RORA: variants seen among roughly 807,000 people sequenced by gnomAD.
RORA encodes the protein nuclear receptor ROR-alpha.
Under a neutral mutation model 69.5 loss-of-function variants are expected in RORA, and 7 were observed. The ratio of observed to expected loss-of-function variants is 0.10; its 90% CI spans 0.06 to 0.19. The LOEUF is 0.19. Ranked by LOEUF, RORA falls within the 10% of genes least tolerant of loss-of-function variation. The pLI, the probability that RORA is intolerant of heterozygous loss-of-function variation, is 1.00. For synonymous variants in RORA, 261 were observed against 240.8 expected (o/e 1.08, Z -0.78); for missense variants, 457 against 663.0 (o/e 0.69, Z 3.41).
chr15:60,613,601 C>T lies in RORA; in HGVS notation c.196+65056G>A, dbSNP rs340018. Among the ~76,000 whole-genome samples, 357 of 151,958 alleles carry T rather than the reference C, an allele frequency of 2.3e-3. 1 individual carries two copies. Among genetic ancestry groups the T allele is most frequent in the African/African-American group, 8.3e-3 (342 of 41,436 alleles). ...CAGATTGCCAGGCACGTCTGGCATTCATTAAATGAATGTCTCTTTGTGAAC... is the reference window on the plus strand; with the variant it reads ...CAGATTGCCAGGCACGTCTGGCATTTATTAAATGAATGTCTCTTTGTGAAC... On this transcript the variant is annotated intron_variant, in intron 2 of 10. Transcript: ENST00000335670.
intron 1 of RORA, among the ~76,000 whole-genome samples, chr15:61,074,210 T>C (rs535913522): frequency 6.6e-5 from 10 of 152,358 alleles, no homozygotes; most frequent in South Asian, 2.1e-4. Flanking sequence ...AGCCTGTCCC[T>C]GTATATGAAG....
At chr15:61,101,407 A>C (rs1030532515) in intron 1 of RORA, among the ~76,000 whole-genome samples, 4 of 152,096 alleles carry the variant, frequency 2.6e-5, no homozygotes, top group African/African-American at 4.8e-5. Flanking sequence ...CTGTGGAGAG[A>C]ATAAGATAAA....
intron 1 of RORA, among the ~76,000 whole-genome samples, chr15:60,799,588 T>G (rs1242518386): frequency 6.6e-6 from 1 of 152,116 alleles, no homozygotes; most frequent in Non-Finnish European, 1.5e-5. Flanking sequence ...CCAAAAACAT[T>G]GCGGGGGAGA....
chr15:60,971,233 C>T (rs182906651), intron 1 of RORA, among the ~76,000 whole-genome samples: 4 of 152,278 alleles, frequency 2.6e-5, no homozygotes, highest in Admixed American at 2.6e-4. Context: ...CTCTGGACTC[C>T]CCTAACACTG....
intron 1 of RORA, among the ~76,000 whole-genome samples, chr15:61,072,626 T>C (rs917769461): frequency 1.3e-5 from 2 of 152,216 alleles, no homozygotes; most frequent in South Asian, 2.1e-4. Context: ...TTTTTTTCTA[T>C]ACATTTTGAA....
intron 1 of RORA, among the ~76,000 whole-genome samples, chr15:61,206,288 A>G (rs1426397671): frequency 6.6e-6 from 1 of 152,224 alleles, no homozygotes. Flanking sequence ...TTATTTCTAT[A>G]TCATGGCCAC....
chr15:60,949,056 G>A (rs1892996122), intron 1 of RORA, among the ~76,000 whole-genome samples: 1 of 152,172 alleles, frequency 6.6e-6, no homozygotes, highest in African/African-American at 2.4e-5. Context: ...AAGGTGTGCT[G>A]GAGTGATGAG....
chr15:60,946,996 C>A (rs1055275897), intron 1 of RORA, among the ~76,000 whole-genome samples: 1 of 151,402 alleles, frequency 6.6e-6, no homozygotes, highest in Non-Finnish European at 1.5e-5. Context: ...GTCCGGCAGC[C>A]GCCCCTTCCG....
chr15:60,526,869 C>G (rs1287119414), intron 3 of RORA, among the ~76,000 whole-genome samples: 1 of 152,138 alleles, frequency 6.6e-6, no homozygotes, highest in African/African-American at 2.4e-5. Flanking sequence ...GCTTTTTAAC[C>G]TAAACATAAA....
At chr15:60,504,929 C>T (rs74020725) in intron 6 of RORA, among the ~76,000 whole-genome samples, 8,134 of 152,188 alleles carry the variant, frequency 0.053, 753 homozygotes, top group African/African-American at 0.19. Flanking sequence ...TCCAGACATG[C>T]CAGTGGATGT....
Position 60,492,171 on chromosome 15 carries a change from T to TCTATCATA in RORA, c.*5276_*5283dup, listed in dbSNP as rs2141223821. On this transcript the variant is annotated 3_prime_UTR_variant, in exon 11 of 11. Coordinates refer to ENST00000335670, the MANE Select transcript of RORA (RefSeq NM_134261.3). ...GGGAAGTTTTCCCAGATTATGTTCCTCTATCATAGTAAGAAAATATATAAA... is the reference window on the plus strand; with the variant it reads ...GGGAAGTTTTCCCAGATTATGTTCCTCTATCATACTATCATAGTAAGAAAATATATAAA... The TCTATCATA allele has an allele frequency of 6.6e-6, 1 of 152,342 alleles. No homozygotes were observed. The highest frequency in any genetic ancestry group is 2.1e-4 in the South Asian group (1 of 4,828). 9.4% of individuals were successfully genotyped at this position (152,342 alleles called of 1,614,324 possible). A position where few individuals can be genotyped will look rare whatever the true frequency, so the allele number is the denominator to read the frequency against.
intron 1 of RORA, among the ~76,000 whole-genome samples, chr15:61,044,015 C>G (rs974847811): frequency 6.6e-6 from 1 of 152,110 alleles, no homozygotes; most frequent in East Asian, 1.9e-4. Context: ...GCCACAAACA[C>G]GGACCCCAGG....
chr15:61,199,636 A>G (rs1490305440), intron 1 of RORA, among the ~76,000 whole-genome samples: 1 of 152,212 alleles, frequency 6.6e-6, no homozygotes, highest in Non-Finnish European at 1.5e-5. Flanking sequence ...AAACCATCTT[A>G]GTCACACAGA....
chr15:61,016,205 T>C (rs1895279605), intron 1 of RORA, among the ~76,000 whole-genome samples: 1 of 152,190 alleles, frequency 6.6e-6, no homozygotes, highest in Non-Finnish European at 1.5e-5. Flanking sequence ...GTGCTAATAA[T>C]GGCACTCTGC....
chr15:60,564,714 G>T (rs943533527), intron 2 of RORA, among the ~76,000 whole-genome samples: 1 of 152,078 alleles, frequency 6.6e-6, no homozygotes, highest in Non-Finnish European at 1.5e-5. Flanking sequence ...TTATCACTCA[G>T]ATATATTTGG....
At position 61,040,119 on chromosome 15, in the gene RORA, T is replaced by G. The variant is rs1307068754; in HGVS notation, c.166+188934A>C. Among the ~76,000 whole-genome samples, 348 of 53,178 alleles carry G rather than the reference T, an allele frequency of 6.5e-3. 4 individuals carry two copies. The highest frequency in any genetic ancestry group is 0.03 in the Middle Eastern group (4 of 134). The allele number at this position is 53,178 out of a possible 152,430, so 34.9% of individuals were successfully genotyped here. On this transcript the variant is annotated intron_variant, in intron 1 of 10. Transcript: ENST00000335670. ...GGCTATGATCACAAGCTTTGATATA[T>G]ATATATATATATATATATATATATA... is the stretch of plus-strand genomic sequence containing the variant.
At chr15:60,852,387 T>C (rs115380548) in intron 1 of RORA, among the ~76,000 whole-genome samples, 18 of 152,306 alleles carry the variant, frequency 1.2e-4, no homozygotes, top group African/African-American at 4.3e-4. Flanking sequence ...TTGGCAAGTT[T>C]GTAATGTTCA....
intron 1 of RORA, chr15:60,765,189 T>C (rs1167400597): frequency 1.3e-5 from 2 of 152,176 alleles, no homozygotes; most frequent in African/African-American, 4.8e-5. Flanking sequence ...AGGCTATTTT[T>C]GAACGAGAAG....
At position 60,749,806 on chromosome 15, in the gene RORA, T is replaced by C. The variant is rs76312275; in HGVS notation, c.167-71120A>G. Among the ~76,000 whole-genome samples, 22 of 152,286 alleles carry C rather than the reference T, an allele frequency of 1.4e-4. No homozygotes were observed. The East Asian group carries it at 3.3e-3, about 23-fold the overall frequency. On this transcript the variant is annotated intron_variant, in intron 1 of 10. Coordinates refer to ENST00000335670, the MANE Select transcript of RORA (RefSeq NM_134261.3). Reference sequence around the variant, plus strand: ...ATTTTGGAAGGCCGAGGCAGGAGGATTGCTTGAGCCCAGGAGTTCAAGATC... The same window carrying C: ...ATTTTGGAAGGCCGAGGCAGGAGGACTGCTTGAGCCCAGGAGTTCAAGATC...
Sources: allele counts gnomAD v4.1 joint callset (sites outside exome capture counted in the v4.1 genomes callset), GRCh38; gene constraint gnomAD v4.1.1; transcripts MANE v1.5; gene names NCBI Gene and HGNC (gene_info 2026-07-23, HGNC 2026-07-21).